Variants in CSMD1 observed in about 807,000 individuals in gnomAD.
The protein encoded by CSMD1 is CUB and Sushi multiple domains 1.
A neutral mutation model predicts 417.5 loss-of-function variants in CSMD1; 213 were observed. The observed-to-expected ratio is 0.51, with a 90% CI of 0.46 to 0.57. The LOEUF (loss-of-function observed/expected upper bound fraction) is 0.57, where lower values mean the gene tolerates loss of function less well. Among genes scored for constraint, CSMD1 ranks in the 20% least tolerant of loss-of-function variants. The pLI is 0.00. For synonymous variants in CSMD1, 2,862 were observed against 1,736.8 expected, an observed-to-expected ratio of 1.65 and a Z score of -16.11; for missense variants, 6,923 against 4,529.7, an observed-to-expected ratio of 1.53 and a Z score of -15.17.
At chr8:4,736,263 A>G (rs1446262449) in intron 1 of CSMD1, among the ~76,000 whole-genome samples, 2 of 152,124 alleles carry the variant, frequency 1.3e-5, no homozygotes, top group Non-Finnish European at 2.9e-5. Flanking sequence ...CACACTTTTT[A>G]TTTTCTTCAG....
At chr8:4,707,886 CAAAAAAAAAAAAAA>C (rs552510236) in intron 1 of CSMD1, among the ~76,000 whole-genome samples, 5 of 100,846 alleles carry the variant, frequency 5.0e-5, no homozygotes, top group Admixed American at 1.1e-4. Flanking sequence ...GACTTTGTTT[CAAAAAAAAAAAAAA>C]AAAAAAAAAA....
chr8:4,145,061 T>C (rs1416955477), intron 3 of CSMD1, among the ~76,000 whole-genome samples: 1 of 151,216 alleles, frequency 6.6e-6, no homozygotes, highest in Non-Finnish European at 1.5e-5. Flanking sequence ...TAAATGTTTC[T>C]AAAATACAAA....
chr8:3,008,340 C>G (rs956973296), intron 52 of CSMD1, among the ~76,000 whole-genome samples: 1 of 152,190 alleles, frequency 6.6e-6, no homozygotes, highest in South Asian at 2.1e-4. Flanking sequence ...GGGAAAACCA[C>G]TCACTCCATT....
At chr8:4,867,702 G>A (rs1029320388) in intron 1 of CSMD1, among the ~76,000 whole-genome samples, 24 of 152,072 alleles carry the variant, frequency 1.6e-4, no homozygotes, top group Non-Finnish European at 1.0e-4. Context: ...CTTGATTTGT[G>A]TGTGTGTAAA....
intron 3 of CSMD1, among the ~76,000 whole-genome samples, chr8:4,215,304 C>A (rs1236065212): frequency 2.0e-5 from 3 of 152,164 alleles, no homozygotes; most frequent in Non-Finnish European, 4.4e-5. Context: ...CCTCCCTCCC[C>A]ACCACCCAAT....
intron 3 of CSMD1, among the ~76,000 whole-genome samples, chr8:4,356,280 T>C (rs921603369): frequency 2.6e-5 from 4 of 152,132 alleles, no homozygotes; most frequent in African/African-American, 9.7e-5. Context: ...GCAAATGCTG[T>C]TCATTCATTC....
chr8:3,415,327 T>C (rs903200665), intron 12 of CSMD1, among the ~76,000 whole-genome samples: 3 of 152,204 alleles, frequency 2.0e-5, no homozygotes, highest in Non-Finnish European at 4.4e-5. Context: ...TAGTACCATG[T>C]TGTATAAGAG....
At chr8:3,686,653 C>G (rs150964247) in intron 7 of CSMD1, among the ~76,000 whole-genome samples, 3 of 152,336 alleles carry the variant, frequency 2.0e-5, no homozygotes, top group Admixed American at 1.3e-4. Context: ...ACAAACCTTG[C>G]TACACTAACA....
intron 2 of CSMD1, among the ~76,000 whole-genome samples, chr8:4,539,156 G>T (rs1797254421): frequency 6.6e-6 from 1 of 152,034 alleles, no homozygotes; most frequent in African/African-American, 2.4e-5. Context: ...TTTTTTTGTG[G>T]GTGAATTAAC....
chr8:3,775,971 G>T (rs1490072459), intron 5 of CSMD1, among the ~76,000 whole-genome samples: 1 of 152,164 alleles, frequency 6.6e-6, no homozygotes, highest in African/African-American at 2.4e-5. Context: ...CATGTCATCA[G>T]CCCAGGCTTC....
At chr8:4,814,005 C>T (rs1343721176) in intron 1 of CSMD1, among the ~76,000 whole-genome samples, 2 of 152,172 alleles carry the variant, frequency 1.3e-5, no homozygotes, top group Non-Finnish European at 2.9e-5. Flanking sequence ...AATTGATTAA[C>T]ACCCTTTTTG....
chr8:4,140,783 G>C (rs956701703), intron 3 of CSMD1, among the ~76,000 whole-genome samples: 13 of 151,016 alleles, frequency 8.6e-5, no homozygotes, highest in Middle Eastern at 3.4e-3. Context: ...CTCTCCCCTA[G>C]GGTGGTTTTG....
chr8:4,025,626 A>G (rs74588418), intron 4 of CSMD1, among the ~76,000 whole-genome samples: 1 of 152,058 alleles, frequency 6.6e-6, no homozygotes, highest in African/African-American at 2.4e-5. Context: ...CATGCCAATA[A>G]TATACAATGA....
At chr8:3,743,141 G>A (rs114111648) in intron 6 of CSMD1, among the ~76,000 whole-genome samples, 3 of 152,152 alleles carry the variant, frequency 2.0e-5, no homozygotes, top group Non-Finnish European at 4.4e-5. Flanking sequence ...TGTCATGAAG[G>A]TCTTCAGGCT....
chr8:4,358,357 T>A (rs1014311580), intron 3 of CSMD1, among the ~76,000 whole-genome samples: 1 of 152,216 alleles, frequency 6.6e-6, no homozygotes. Context: ...AGAATGATTT[T>A]ACACTTTTTA....
At chr8:3,468,845 A>C in intron 11 of CSMD1, 21 bp from the exon 12 acceptor site, 3 of 1,532,610 alleles carry the variant, frequency 2.0e-6, no homozygotes, top group Non-Finnish European at 1.8e-6. Context: ...GAGAAATGTC[A>C]AAGCTTTTAG....
intron 41 of CSMD1, chr8:3,128,821 A>T (rs1426139002): frequency 2.3e-6 from 1 of 438,550 alleles, no homozygotes. Flanking sequence ...TTTAATTGAA[A>T]GTCCTTTCTT....
intron 3 of CSMD1, among the ~76,000 whole-genome samples, chr8:4,404,688 T>A (rs1387483760): frequency 6.6e-6 from 1 of 152,022 alleles, no homozygotes; most frequent in Non-Finnish European, 1.5e-5. Flanking sequence ...AACTTATGTT[T>A]ATAATATTAA....
At chr8:4,719,226 G>A (rs1395523756) in intron 1 of CSMD1, among the ~76,000 whole-genome samples, 5 of 152,314 alleles carry the variant, frequency 3.3e-5, no homozygotes, top group Non-Finnish European at 5.9e-5. Flanking sequence ...GGCACACATT[G>A]TCATGTTTTA....
Sources: allele counts gnomAD v4.1 joint callset (sites outside exome capture counted in the v4.1 genomes callset), GRCh38; gene constraint gnomAD v4.1.1; transcripts MANE v1.5; gene names NCBI Gene and HGNC (gene_info 2026-07-23, HGNC 2026-07-21).